Variants in OGDHL observed in about 807,000 individuals in gnomAD.
OGDHL encodes oxoglutarate dehydrogenase L, also known as 2-oxoglutarate dehydrogenase-like, mitochondrial.
A neutral mutation model predicts 109.6 loss-of-function variants in OGDHL; 79 were observed. That is an observed-to-expected ratio of 0.72 (90% CI 0.60 to 0.87). The LOEUF (loss-of-function observed/expected upper bound fraction) is 0.87. OGDHL is among the 40% of genes least tolerant of loss of function. The probability of loss-of-function intolerance (pLI) is 0.00; values close to 1 mark genes in which losing one functional copy is unlikely to be tolerated. For missense variants in OGDHL, 1,275 were observed against 1,362.2 expected, an observed-to-expected ratio of 0.94 and a Z score of 1.01; for synonymous variants, 528 against 537.2, an observed-to-expected ratio of 0.98 and a Z score of 0.24.
rs541623259 is a variant in OGDHL at position 49,742,977 on chromosome 10, G to T, written c.1863C>A (p.Gly621=). 3.1e-6 allele frequency: 5 copies of T among 1,612,514 alleles called. No homozygotes were observed. In the East Asian group the frequency reaches 1.1e-4, roughly 36 times the overall value. ...CACGGCCCCGCAGAATGCGAGAGAG[G>T]CCTGTGGGAAAGGAGTGCTGGCCTG... ...VPLEDFKIHT[G]LSRILRGRAD... Residue 621 remains glycine (G), a splice_region_variant and synonymous_variant, in exon 15 of 23, where the codon GGC becomes GGA. Transcript: ENST00000374103.
rs373750076 is a variant in OGDHL, at chr10:49,746,065, G to A, written c.1297-88C>T. The stretch of plus-strand genomic sequence containing the variant: ...AGCCTTGGAGACTGAGCAGGGGGAT[G>A]CTCAAGGTCCACTGAGGTGCCCAGG... On this transcript the variant is annotated intron_variant, in intron 10 of 22. Transcript: ENST00000374103. 1,890 of 1,450,232 alleles carry A rather than the reference G, an allele frequency of 1.3e-3. 35 individuals carry two copies. The South Asian group carries it at 0.023, about 18-fold the overall frequency. 89.8% of individuals were successfully genotyped at this position (1,450,232 alleles called of 1,614,324 possible).
In OGDHL at chr10:49,736,189, G is replaced by A; in HGVS notation, c.2755-12C>T. The A allele has an allele frequency of 6.3e-7, 1 of 1,579,466 alleles. No individual in the cohort carries two copies. Among genetic ancestry groups the A allele is most frequent in the Non-Finnish European group, 8.6e-7 (1 of 1,162,562 alleles). On this transcript the variant is annotated splice_polypyrimidine_tract_variant and intron_variant, in intron 21 of 22. Transcript: ENST00000374103. ...GGGAATGGAGAGATCTGGGGAGGCA[G>A]AAACAAAGGAGCATAGCCAGAGGAG... is the stretch of plus-strand genomic sequence containing the variant.
At chr10:49,756,213 C>T (rs1485261137) in intron 3 of OGDHL, among the ~76,000 whole-genome samples, 1 of 152,222 alleles carries the variant, frequency 6.6e-6, no homozygotes, top group Non-Finnish European at 1.5e-5. Context: ...ATGGCCTGAA[C>T]ACCGCAGCAG....
intron 3 of OGDHL, among the ~76,000 whole-genome samples, chr10:49,754,994 AG>A (rs1464610304): frequency 2.6e-5 from 4 of 152,222 alleles, no homozygotes; most frequent in African/African-American, 9.6e-5. Context: ...CTGTAATCCC[AG>A]CACTTTGGGA....
intron 20 of OGDHL, among the ~76,000 whole-genome samples, chr10:49,737,031 A>G (rs533606625): frequency 8.8e-4 from 133 of 151,960 alleles, no homozygotes; most frequent in African/African-American, 3.1e-3. Flanking sequence ...ACACTGCAAA[A>G]CCTCTCAGGA....
intron 4 of OGDHL, 147 bp from the exon 5 acceptor site, chr10:49,752,395 A>C (rs1304066090): frequency 1.4e-6 from 1 of 712,662 alleles, no homozygotes. Flanking sequence ...AGTGAGAGTG[A>C]GCCCAGGGAG....
rs777313526 is a variant in OGDHL at position 49,744,113 on chromosome 10, T to C, written c.1742A>G (p.Asn581Ser). The change falls in exon 14 of 23, where the codon AAC (asparagine) becomes AGC (serine). Residue 581 changes from asparagine to serine, a missense_variant. Transcript: ENST00000374103. ...CATGCTCTTGGGCTCCCCATCTACGTTGAAGAAGCCTGAGAGGGAGAGAGG... is the reference window on the plus strand; with the variant it reads ...CATGCTCTTGGGCTCCCCATCTACGCTGAAGAAGCCTGAGAGGGAGAGAGG... ...WLDSPWPGFFNVDGEPKSMTC... is the reference protein window; with the variant it reads ...WLDSPWPGFFSVDGEPKSMTC... 1.1e-5 allele frequency: 17 copies of C among 1,613,648 alleles called. No homozygotes were observed. Among genetic ancestry groups the C allele is most frequent in the East Asian group, 4.5e-5 (2 of 44,888 alleles).
chr10:49,749,703 C>G, intron 8 of OGDHL, 23 bp downstream of exon 8: 1 of 1,563,016 alleles, frequency 6.4e-7, no homozygotes, highest in Non-Finnish European at 8.6e-7. Flanking sequence ...CCAAGGGTGC[C>G]GGGACCTGGG....
chr10:49,761,731 C>T (rs957127478), intron 1 of OGDHL, among the ~76,000 whole-genome samples: 4 of 152,206 alleles, frequency 2.6e-5, no homozygotes, highest in East Asian at 3.9e-4. Flanking sequence ...GCATCCCATG[C>T]AAGCAGCGAC....
Position 49,741,727 on chromosome 10 carries a change from C to A in OGDHL, c.2013-890G>T, listed in dbSNP as rs1309094894. On this transcript the variant is annotated intron_variant, in intron 15 of 22. Coordinates refer to ENST00000374103, the MANE Select transcript of OGDHL (RefSeq NM_018245.3). ...CACCAAACACATACATACACACACACCACACACATACATACACACACCACA... is the reference window on the plus strand; with the variant it reads ...CACCAAACACATACATACACACACAACACACACATACATACACACACCACA... Among the ~76,000 whole-genome samples the A allele has an allele frequency of 3.4e-5, 5 of 148,784 alleles. No homozygotes were observed. In the Admixed American group the frequency reaches 3.4e-4, roughly 10 times the overall value.
chr10:49,744,842 T>A (rs973967119), intron 12 of OGDHL, 90 bp from the exon 13 acceptor site: 17 of 1,019,504 alleles, frequency 1.7e-5, no homozygotes, highest in Middle Eastern at 4.7e-4. Flanking sequence ...CTGGTCCCCA[T>A]CACCAAGTTC....
At chr10:49,741,891 C>A (rs1206359196) in intron 15 of OGDHL, among the ~76,000 whole-genome samples, 1 of 143,764 alleles carries the variant, frequency 7.0e-6, no homozygotes, top group Admixed American at 6.9e-5. Flanking sequence ...ACCACACACA[C>A]CACACATACC....
At chr10:49,748,339 A>G (rs1166188161) in intron 8 of OGDHL, among the ~76,000 whole-genome samples, 1 of 152,240 alleles carries the variant, frequency 6.6e-6, no homozygotes, top group African/African-American at 2.4e-5. Context: ...CCTCTTAGAA[A>G]TAAGGTTGCA....
Position 49,736,136 on chromosome 10 carries a change from C to T in OGDHL, c.2796G>A (p.Glu932=). 3 of 1,609,870 alleles carry T rather than the reference C, an allele frequency of 1.9e-6. No individual in the cohort carries two copies. Among genetic ancestry groups the T allele is most frequent in the Non-Finnish European group, 1.7e-6 (2 of 1,177,840 alleles). ...AGGCCAGCTCCGCACCTGGGTACTTCTCTGCCTCCTGCTTGATCAGGTCGA... is the reference window on the plus strand; with the variant it reads ...AGGCCAGCTCCGCACCTGGGTACTTTTCTGCCTCCTGCTTGATCAGGTCGA... ...FPFDLIKQEA[E]KYPGAELAWC... Residue 932 remains glutamate, a synonymous_variant, in exon 22 of 23, where the codon GAG becomes GAA. Transcript: ENST00000374103.
intron 10 of OGDHL, among the ~76,000 whole-genome samples, chr10:49,746,242 G>A (rs2133032769): frequency 6.6e-6 from 1 of 152,320 alleles, no homozygotes. Flanking sequence ...CATAGGCCTG[G>A]AAAATCCAGT....
intron 1 of OGDHL, among the ~76,000 whole-genome samples, chr10:49,761,792 G>C (rs1211464425): frequency 3.3e-5 from 5 of 152,190 alleles, no homozygotes; most frequent in Non-Finnish European, 7.3e-5. Flanking sequence ...TCTGTAATCG[G>C]AGACCGCGGT....
intron 1 of OGDHL, among the ~76,000 whole-genome samples, chr10:49,758,967 C>T (rs1843093465): frequency 6.6e-6 from 1 of 152,068 alleles, no homozygotes; most frequent in Non-Finnish European, 1.5e-5. Flanking sequence ...AGCCACAGGG[C>T]AGGTGCAGGG....
intron 20 of OGDHL, 43 bp downstream of exon 20, chr10:49,737,743 G>A (rs375421790): frequency 6.0e-5 from 97 of 1,606,432 alleles, no homozygotes; most frequent in Middle Eastern, 1.7e-4. Flanking sequence ...ATGGGCCACC[G>A]CCCCATTGTG....
At position 49,745,997 on chromosome 10, in the gene OGDHL, C is replaced by T; in HGVS notation, c.1297-20G>A. On this transcript the variant is annotated intron_variant, in intron 10 of 22. Coordinates refer to ENST00000374103, the MANE Select transcript of OGDHL (RefSeq NM_018245.3). ...TCCAATCTGCAGAGGCAGGAGAAAC[C>T]TGCTGCGCCTCTCAATTTACTTAGA... 6.2e-7 allele frequency: 1 copy of T among 1,610,908 alleles called. No individual in the cohort carries two copies. The highest frequency in any genetic ancestry group is 8.5e-7 in the Non-Finnish European group (1 of 1,177,658).
Sources: allele counts gnomAD v4.1 joint callset (sites outside exome capture counted in the v4.1 genomes callset), GRCh38; gene constraint gnomAD v4.1.1; transcripts MANE v1.5; gene names NCBI Gene and HGNC (gene_info 2026-07-23, HGNC 2026-07-21).